The following ICA1 variants were observed in gnomAD, a reference collection of about 807,000 sequenced individuals.
The protein encoded by ICA1 is islet cell autoantigen 1.
In ICA1, 40 loss-of-function variants were observed where a neutral mutation model predicts 71.0. The observed-to-expected ratio is 0.56, with a 90% CI of 0.44 to 0.73. The LOEUF is 0.73. ICA1 is among the 30% of genes least tolerant of loss of function. ICA1 has a pLI of 0.00. For missense variants in ICA1, 578 were observed against 576.5 expected (o/e 1.00, Z -0.03); for synonymous variants, 207 against 209.5 (o/e 0.99, Z 0.10).
intron 6 of ICA1, among the ~76,000 whole-genome samples, chr7:8,171,118 C>A (rs371388540): frequency 4.0e-5 from 6 of 151,784 alleles, no homozygotes; most frequent in Non-Finnish European, 7.4e-5. Flanking sequence ...CTTATAATAT[C>A]TTTTTCTGGT....
chr7:8,198,977 C>T (rs1056695724), intron 6 of ICA1, among the ~76,000 whole-genome samples: 2 of 152,164 alleles, frequency 1.3e-5, no homozygotes, highest in Non-Finnish European at 2.9e-5. Flanking sequence ...AAATGGCAAA[C>T]AGGCATACAA....
intron 6 of ICA1, among the ~76,000 whole-genome samples, chr7:8,178,703 T>C (rs976461400): frequency 6.6e-6 from 1 of 152,172 alleles, no homozygotes; most frequent in African/African-American, 2.4e-5. Context: ...AGATTTTATA[T>C]ATTGCTGTAC....
intron 6 of ICA1, among the ~76,000 whole-genome samples, chr7:8,210,747 C>T (rs1211338691): frequency 6.6e-6 from 1 of 152,104 alleles, no homozygotes; most frequent in African/African-American, 2.4e-5. Context: ...CGGGGTCTCA[C>T]TCTGTCTCCC....
intron 1 of ICA1, among the ~76,000 whole-genome samples, chr7:8,242,935 A>C (rs979060312): frequency 2.6e-5 from 4 of 152,206 alleles, no homozygotes; most frequent in African/African-American, 9.7e-5. Flanking sequence ...TAGCCTACCA[A>C]CCAAAAAAAG....
intron 13 of ICA1, 124 bp from the exon 14 acceptor site, chr7:8,114,168 ACT>A (rs1784041615): frequency 9.7e-7 from 1 of 1,035,200 alleles, no homozygotes; most frequent in African/African-American, 1.6e-5. Context: ...ATCCCTTTGC[ACT>A]CTCTCTGACA....
chr7:8,257,348 T>C (rs1810567181), intron 1 of ICA1, among the ~76,000 whole-genome samples: 1 of 152,212 alleles, frequency 6.6e-6, no homozygotes, highest in South Asian at 2.1e-4. Context: ...TTTCAGAAAC[T>C]GATGTCTATG....
chr7:8,209,683 T>C (rs539205017), intron 6 of ICA1, among the ~76,000 whole-genome samples: 41 of 152,292 alleles, frequency 2.7e-4, no homozygotes, highest in Middle Eastern at 3.4e-3. Context: ...GAAGCATGTA[T>C]AAAGTGCAAC....
intron 6 of ICA1, among the ~76,000 whole-genome samples, chr7:8,169,927 T>TGTGTGTGTGTGTG (rs1562810946): frequency 6.6e-5 from 10 of 151,520 alleles, no homozygotes; most frequent in South Asian, 4.2e-4. Context: ...TGTGTGTGTG[T>TGTGTGTGTGTGTG]TTTAATGCCT....
At chr7:8,154,192 A>G (rs1800689931) in intron 8 of ICA1, among the ~76,000 whole-genome samples, 1 of 152,292 alleles carries the variant, frequency 6.6e-6, no homozygotes, top group South Asian at 2.1e-4. Flanking sequence ...AGTCACTTGG[A>G]TATTTTTCAA....
At chr7:8,120,083 A>G (rs1250608496) in intron 13 of ICA1, among the ~76,000 whole-genome samples, 4 of 152,186 alleles carry the variant, frequency 2.6e-5, no homozygotes, top group Non-Finnish European at 5.9e-5. Flanking sequence ...AAGATGATAA[A>G]GCCTGAAGAT....
intron 6 of ICA1, among the ~76,000 whole-genome samples, chr7:8,177,472 T>C (rs1189826982): frequency 6.6e-6 from 1 of 152,242 alleles, no homozygotes; most frequent in Admixed American, 6.5e-5. Context: ...TCAATTTCTC[T>C]CTAATCTGAG....
intron 12 of ICA1, among the ~76,000 whole-genome samples, chr7:8,131,067 G>C (rs1791273099): frequency 6.6e-6 from 1 of 152,150 alleles, no homozygotes; most frequent in African/African-American, 2.4e-5. Flanking sequence ...ACACATGCCG[G>C]ACACCTCCCG....
In ICA1 at chr7:8,232,672, T is replaced by A; in HGVS notation, c.101A>T (p.Lys34Met). 6.2e-7 allele frequency: 1 copy of A among 1,613,296 alleles called. No homozygotes were observed. Among genetic ancestry groups the A allele is most frequent in the Non-Finnish European group, 8.5e-7 (1 of 1,179,584 alleles). Reference sequence around the variant, plus strand: ...CCCTGTGGCTTTAATAAAGGCCTGCTTCGTCTCCCAATATTTCTGTTGCAT... The same window carrying A: ...CCCTGTGGCTTTAATAAAGGCCTGCATCGTCTCCCAATATTTCTGTTGCAT... ...NKMQQKYWET[K>M]QAFIKATGKK... Residue 34 changes from lysine (K) to methionine (M), a missense_variant, in exon 3 of 14, where the codon AAG (lysine) becomes ATG (methionine). Transcript: ENST00000402384.
intron 13 of ICA1, among the ~76,000 whole-genome samples, chr7:8,116,951 C>T (rs1053557358): frequency 2.0e-5 from 3 of 152,166 alleles, no homozygotes; most frequent in Non-Finnish European, 2.9e-5. Context: ...CCAAATCTCA[C>T]CTTGAACTGT....
intron 1 of ICA1, among the ~76,000 whole-genome samples, chr7:8,240,846 G>A (rs952436691): frequency 3.9e-5 from 6 of 152,240 alleles, no homozygotes; most frequent in South Asian, 2.1e-4. Context: ...GAAATAAAGC[G>A]AGAAGAAAAG....
chr7:8,235,628 C>T (rs560258135), intron 2 of ICA1, among the ~76,000 whole-genome samples: 1 of 152,170 alleles, frequency 6.6e-6, no homozygotes, highest in East Asian at 1.9e-4. Flanking sequence ...TTACATTAGA[C>T]AAAATGGTGG....
At chr7:8,145,462 A>G (rs999345580) in intron 8 of ICA1, among the ~76,000 whole-genome samples, 1 of 152,138 alleles carries the variant, frequency 6.6e-6, no homozygotes, top group African/African-American at 2.4e-5. Context: ...CAAAGTCCAG[A>G]TCAATTACCA....
chr7:8,189,529 C>A (rs1212123293), intron 6 of ICA1, among the ~76,000 whole-genome samples: 1 of 152,198 alleles, frequency 6.6e-6, no homozygotes, highest in Non-Finnish European at 1.5e-5. Context: ...ATTGGGAATG[C>A]AGAATACATT....
At chr7:8,199,454 T>C (rs2128324144) in intron 6 of ICA1, among the ~76,000 whole-genome samples, 1 of 152,288 alleles carries the variant, frequency 6.6e-6, no homozygotes, top group South Asian at 2.1e-4. Context: ...CTCACGCCTG[T>C]AACCCCAGCA....
Sources: allele counts gnomAD v4.1 joint callset (sites outside exome capture counted in the v4.1 genomes callset), GRCh38; gene constraint gnomAD v4.1.1; transcripts MANE v1.5; gene names NCBI Gene and HGNC (gene_info 2026-07-23, HGNC 2026-07-21).